The following TMTC2 variants were observed in gnomAD, a reference collection of about 807,000 sequenced individuals.
TMTC2 encodes the protein transmembrane O-mannosyltransferase targeting cadherins 2.
A neutral mutation model predicts 82.4 loss-of-function variants in TMTC2; 43 were observed. That is an observed-to-expected ratio of 0.52 (90% CI 0.41 to 0.67). The LOEUF is 0.67. Ranked by LOEUF, TMTC2 falls within the 30% of genes least tolerant of loss-of-function variation. TMTC2 has a pLI of 0.00. For synonymous variants in TMTC2, 408 were observed against 381.9 expected (o/e 1.07, Z -0.80); for missense variants, 919 against 1,012.4 (o/e 0.91, Z 1.25).
intron 1 of TMTC2, among the ~76,000 whole-genome samples, chr12:82,796,189 A>G (rs1362936026): frequency 6.6e-6 from 1 of 152,126 alleles, no homozygotes; most frequent in Non-Finnish European, 1.5e-5. Flanking sequence ...GACTATTTGT[A>G]GCCGGGACGA....
Position 82,806,476 on chromosome 12 carries a change from C to T in TMTC2, c.84-50534C>T, listed in dbSNP as rs747030460. 3.3e-4 allele frequency among the ~76,000 whole-genome samples: 50 copies of T among 152,178 alleles called. 1 individual carries two copies. The highest frequency in any genetic ancestry group is 5.9e-4 in the Admixed American group (9 of 15,288). ...GTTTATTCTCCAGTGGGGATAGATA[C>T]GGAACGTGGATATACAGTTGACCTT... On this transcript the variant is annotated intron_variant, in intron 1 of 11. Transcript: ENST00000321196.
chr12:83,070,598 C>A (rs1167069940), intron 11 of TMTC2, among the ~76,000 whole-genome samples: 1 of 152,036 alleles, frequency 6.6e-6, no homozygotes, highest in African/African-American at 2.4e-5. Context: ...CCAGAGGAGT[C>A]CTTAGTGTTT....
At chr12:83,028,420 C>G (rs1236149687) in intron 8 of TMTC2, among the ~76,000 whole-genome samples, 2 of 152,142 alleles carry the variant, frequency 1.3e-5, no homozygotes, top group African/African-American at 4.8e-5. Context: ...CCCACAACCC[C>G]AGATACACAG....
intron 1 of TMTC2, among the ~76,000 whole-genome samples, chr12:82,764,975 G>A (rs553141010): frequency 1.9e-5 from 2 of 103,934 alleles, no homozygotes; most frequent in Admixed American, 8.8e-5. Context: ...TCTGGTGGGC[G>A]GGGGGGTGAC....
chr12:83,084,285 A>G (rs1883573129), intron 11 of TMTC2, among the ~76,000 whole-genome samples: 1 of 152,348 alleles, frequency 6.6e-6, no homozygotes, highest in East Asian at 1.9e-4. Context: ...ATGCACATAT[A>G]ATATAGAAAA....
intron 1 of TMTC2, among the ~76,000 whole-genome samples, chr12:82,703,738 C>T (rs541659664): frequency 2.6e-5 from 4 of 152,216 alleles, no homozygotes; most frequent in Admixed American, 2.0e-4. Flanking sequence ...CCGCCCTCCT[C>T]GGTCCCCCAA....
intron 2 of TMTC2, among the ~76,000 whole-genome samples, chr12:82,879,022 C>T (rs1314519080): frequency 1.3e-5 from 2 of 152,278 alleles, no homozygotes; most frequent in East Asian, 3.9e-4. Flanking sequence ...CATCAATTTC[C>T]TCACTGCAAA....
chr12:83,104,019 C>G (rs1273772293), intron 11 of TMTC2, among the ~76,000 whole-genome samples: 1 of 152,210 alleles, frequency 6.6e-6, no homozygotes, highest in South Asian at 2.1e-4. Context: ...AAGTTCAGAC[C>G]CCAGCAGGGC....
At chr12:83,114,221 C>G (rs1411476468) in intron 11 of TMTC2, among the ~76,000 whole-genome samples, 1 of 151,804 alleles carries the variant, frequency 6.6e-6, no homozygotes, top group Non-Finnish European at 1.5e-5. Flanking sequence ...TAGGTTAGGT[C>G]ATGAGGGTGG....
intron 8 of TMTC2, among the ~76,000 whole-genome samples, chr12:83,019,051 A>G (rs1277581944): frequency 6.6e-6 from 1 of 152,186 alleles, no homozygotes; most frequent in East Asian, 1.9e-4. Context: ...AAAAAGACTC[A>G]GCTTAAAGAA....
At chr12:82,886,503 T>C (rs1873106891) in intron 2 of TMTC2, among the ~76,000 whole-genome samples, 1 of 152,208 alleles carries the variant, frequency 6.6e-6, no homozygotes. Context: ...ACTATGGGTT[T>C]AAGTGAACAA....
At chr12:82,716,672 A>T (rs1873919555) in intron 1 of TMTC2, among the ~76,000 whole-genome samples, 1 of 152,028 alleles carries the variant, frequency 6.6e-6, no homozygotes, top group Non-Finnish European at 1.5e-5. Context: ...TGTCTGGTAC[A>T]TTTTTGCTGA....
intron 8 of TMTC2, among the ~76,000 whole-genome samples, chr12:82,994,493 G>A (rs1259064636): frequency 6.6e-6 from 1 of 151,942 alleles, no homozygotes; most frequent in African/African-American, 2.4e-5. Context: ...ATCTATCATC[G>A]TCATTTAATG....
chr12:83,123,857 C>A (rs1187585760), intron 11 of TMTC2, among the ~76,000 whole-genome samples: 1 of 152,204 alleles, frequency 6.6e-6, no homozygotes, highest in Non-Finnish European at 1.5e-5. Context: ...CCTAACAATT[C>A]TTGTTGTCTA....
chr12:82,857,306 C>G lies in TMTC2; in HGVS notation c.380C>G (p.Pro127Arg), dbSNP rs775487177. ...FMAGLMFASH[P>R]IHTEAVAGIV... ...GCTGGCTTGATGTTTGCTTCTCACCCCATTCACACGGAGGCAGTGGCAGGA... is the reference window on the plus strand; with the variant it reads ...GCTGGCTTGATGTTTGCTTCTCACCGCATTCACACGGAGGCAGTGGCAGGA... Residue 127 changes from proline to arginine, a missense_variant, in exon 2 of 12, where the codon CCC becomes CGC. Transcript: ENST00000321196. 1 of 1,614,184 alleles carries G rather than the reference C, an allele frequency of 6.2e-7. No individual in the cohort carries two copies. Among genetic ancestry groups the G allele is most frequent in the Non-Finnish European group, 8.5e-7 (1 of 1,180,044 alleles).
chr12:82,885,338 G>T (rs1873036387), intron 2 of TMTC2, among the ~76,000 whole-genome samples: 1 of 151,084 alleles, frequency 6.6e-6, no homozygotes, highest in Non-Finnish European at 1.5e-5. Flanking sequence ...TTTGTTATCT[G>T]TTTTCTTTTT....
intron 8 of TMTC2, among the ~76,000 whole-genome samples, chr12:83,019,350 C>T (rs1028537274): frequency 5.3e-5 from 8 of 152,166 alleles, no homozygotes; most frequent in African/African-American, 9.7e-5. Context: ...CCCCAAATAA[C>T]ACCCACTTCT....
At chr12:82,867,546 A>T (rs1871931699) in intron 2 of TMTC2, among the ~76,000 whole-genome samples, 1 of 152,196 alleles carries the variant, frequency 6.6e-6, no homozygotes, top group Admixed American at 6.5e-5. Context: ...ACTGTTGCTA[A>T]ATATAAAGTA....
In TMTC2 at chr12:83,133,981, T is replaced by C. The variant is rs915789741; in HGVS notation, c.*1592T>C. ...CTGGACATGCAAATACATCATATTATGTTTTCTCCATATTTTATGTTTTTC... is the reference window on the plus strand; with the variant it reads ...CTGGACATGCAAATACATCATATTACGTTTTCTCCATATTTTATGTTTTTC... On this transcript the variant is annotated 3_prime_UTR_variant, in exon 12 of 12. Transcript: ENST00000321196. The C allele has an allele frequency of 6.6e-6, 1 of 152,590 alleles. No individual in the cohort carries two copies. Among genetic ancestry groups the C allele is most frequent in the Non-Finnish European group, 1.5e-5 (1 of 68,032 alleles). The allele number at this position is 152,590 out of a possible 1,614,324, so 9.5% of individuals were successfully genotyped here. A position where few individuals can be genotyped will look rare whatever the true frequency, so the allele number is the denominator to read the frequency against.
Sources: allele counts gnomAD v4.1 joint callset (sites outside exome capture counted in the v4.1 genomes callset), GRCh38; gene constraint gnomAD v4.1.1; transcripts MANE v1.5; gene names NCBI Gene and HGNC (gene_info 2026-07-23, HGNC 2026-07-21).